The following QKI variants were observed in gnomAD, a reference collection of about 807,000 sequenced individuals.
The protein encoded by QKI is QKI, KH domain containing RNA binding.
In QKI, 10 loss-of-function variants were observed where a neutral mutation model predicts 39.0. The ratio of observed to expected loss-of-function variants is 0.26; its 90% CI spans 0.16 to 0.43. QKI has a LOEUF of 0.43. Among genes scored for constraint, QKI ranks in the 20% least tolerant of loss-of-function variants. The probability of loss-of-function intolerance (pLI) is 1.00; values close to 1 mark genes in which losing one functional copy is unlikely to be tolerated. For missense variants in QKI, 218 were observed against 428.0 expected, an observed-to-expected ratio of 0.51 and a Z score of 4.33; for synonymous variants, 204 against 155.4, an observed-to-expected ratio of 1.31 and a Z score of -2.33.
chr6:163,566,235 A>G (rs1783355598), intron 6 of QKI: 2 of 1,274,886 alleles, frequency 1.6e-6, no homozygotes, highest in Non-Finnish European at 2.0e-6. Context: ...CACCTAATTC[A>G]TTGCAGTTCA....
chr6:163,477,231 G>A (rs1015504457), intron 2 of QKI, among the ~76,000 whole-genome samples: 4 of 152,010 alleles, frequency 2.6e-5, no homozygotes, highest in South Asian at 2.1e-4. Context: ...GGCCAGGCTC[G>A]TCTTGAACGC....
rs114657014 is a variant in QKI at position 163,555,645 on chromosome 6, G to A, written c.547-6337G>A. On this transcript the variant is annotated intron_variant, in intron 4 of 7. Coordinates refer to ENST00000361752, the MANE Select transcript of QKI (RefSeq NM_006775.3). The stretch of plus-strand genomic sequence containing the variant: ...CAGGTCTACTCGGGGATTGTGGACA[G>A]ATGATTTTGACTAATGCAAAACATT... Among the ~76,000 whole-genome samples, 436 of 151,676 alleles carry A rather than the reference G, an allele frequency of 2.9e-3. 2 individuals carry two copies. Among genetic ancestry groups the A allele is most frequent in the African/African-American group, 9.8e-3 (404 of 41,374 alleles).
chr6:163,495,004 C>G (rs186361563), intron 3 of QKI, among the ~76,000 whole-genome samples: 17 of 152,120 alleles, frequency 1.1e-4, no homozygotes, highest in Middle Eastern at 3.4e-3. Context: ...TAACCTCTGC[C>G]TCCTGGGTTC....
At chr6:163,463,174 G>C (rs554387084) in intron 2 of QKI, among the ~76,000 whole-genome samples, 1 of 152,292 alleles carries the variant, frequency 6.6e-6, no homozygotes, top group South Asian at 2.1e-4. Context: ...TAACAATAAT[G>C]AGAAAACTAA....
At chr6:163,465,869 A>T (rs1356899105) in intron 2 of QKI, among the ~76,000 whole-genome samples, 1 of 151,614 alleles carries the variant, frequency 6.6e-6, no homozygotes, top group Non-Finnish European at 1.5e-5. Flanking sequence ...AACACCTGTA[A>T]TCCCAGAACT....
chr6:163,452,087 A>G (rs767482666), intron 1 of QKI, among the ~76,000 whole-genome samples: 31 of 152,348 alleles, frequency 2.0e-4, no homozygotes, highest in Middle Eastern at 3.4e-3. Context: ...GAATAAGTAT[A>G]TGAAGCACAG....
At chr6:163,565,730 A>T (rs1783324554) in intron 6 of QKI, 1 of 1,229,174 alleles carries the variant, frequency 8.1e-7, no homozygotes, top group Non-Finnish European at 1.0e-6. Context: ...CCACTTGGAG[A>T]ACTCAGAAAA....
chr6:163,531,764 C>A (rs929047728), intron 3 of QKI, among the ~76,000 whole-genome samples: 13 of 152,204 alleles, frequency 8.5e-5, no homozygotes, highest in South Asian at 8.3e-4. Context: ...CTCGGCCCCC[C>A]CAAAGTGCTG....
intron 4 of QKI, among the ~76,000 whole-genome samples, chr6:163,549,573 A>G (rs1422674567): frequency 1.3e-5 from 2 of 152,170 alleles, no homozygotes; most frequent in African/African-American, 2.4e-5. Context: ...TTAGTTGGGC[A>G]TGGTGACGCA....
At chr6:163,505,669 C>T (rs903897458) in intron 3 of QKI, among the ~76,000 whole-genome samples, 1 of 146,364 alleles carries the variant, frequency 6.8e-6, no homozygotes, top group African/African-American at 2.8e-5. Context: ...GCCTGTACAC[C>T]CATTCTATCT....
At chr6:163,443,566 T>TAACAACAAC in intron 1 of QKI, among the ~76,000 whole-genome samples, 1 of 152,096 alleles carries the variant, frequency 6.6e-6, no homozygotes, top group Non-Finnish European at 1.5e-5. Context: ...CTCAAAACAA[T>TAACAACAAC]AACAACAACA....
At chr6:163,479,120 T>G (rs1792861788) in intron 3 of QKI, among the ~76,000 whole-genome samples, 1 of 50,274 alleles carries the variant, frequency 2.0e-5, no homozygotes. Context: ...ACCCTGTCTT[T>G]ACTAAAAAAA....
chr6:163,563,535 C>G lies in QKI; in HGVS notation c.750C>G (p.Thr250=). Residue 250 remains threonine, a synonymous_variant, in exon 6 of 8, where the codon ACC becomes ACG. Coordinates refer to ENST00000361752, the MANE Select transcript of QKI (RefSeq NM_006775.3). ...ALRTPTPAGP[T]IMPLIRQIQT... ...GTACTCCTACGCCAGCTGGCCCTAC[C>G]ATAATGCCTTTGATCAGACAAATAC... 1.9e-6 allele frequency: 3 copies of G among 1,614,208 alleles called. No homozygotes were observed. Among genetic ancestry groups the G allele is most frequent in the Non-Finnish European group, 2.5e-6 (3 of 1,180,040 alleles).
chr6:163,455,201 C>G (rs1190068397), intron 1 of QKI, 78 bp from the exon 2 acceptor site: 10 of 1,202,574 alleles, frequency 8.3e-6, no homozygotes, highest in Non-Finnish European at 1.1e-5. Flanking sequence ...GAAACCCTCC[C>G]CTGCCCTCTC....
intron 1 of QKI, among the ~76,000 whole-genome samples, chr6:163,452,621 A>G (rs1227934620): frequency 2.0e-5 from 3 of 152,206 alleles, no homozygotes; most frequent in Non-Finnish European, 4.4e-5. Flanking sequence ...GTTATTAATC[A>G]AGGAATCACA....
intron 3 of QKI, among the ~76,000 whole-genome samples, chr6:163,500,490 A>G (rs1778693684): frequency 6.6e-6 from 1 of 152,176 alleles, no homozygotes; most frequent in Non-Finnish European, 1.5e-5. Context: ...TGTAATGTTT[A>G]TATTTATTGT....
intron 2 of QKI, among the ~76,000 whole-genome samples, chr6:163,456,958 T>C (rs1275163452): frequency 1.3e-5 from 2 of 152,066 alleles, no homozygotes; most frequent in African/African-American, 4.8e-5. Context: ...TTTTGGGCCT[T>C]TCTGACTGGG....
At chr6:163,489,809 G>C (rs1736640142) in intron 3 of QKI, among the ~76,000 whole-genome samples, 1 of 152,122 alleles carries the variant, frequency 6.6e-6, no homozygotes, top group South Asian at 2.1e-4. Context: ...ACACAGGAGA[G>C]AAGTTAACCA....
intron 3 of QKI, among the ~76,000 whole-genome samples, chr6:163,484,181 C>G (rs546608194): frequency 6.6e-6 from 1 of 151,200 alleles, no homozygotes; most frequent in African/African-American, 2.4e-5. Flanking sequence ...TTGTAGAGCA[C>G]AGGCAGGGTA....
Sources: gnomAD v4.1 joint callset for allele counts (sites outside exome capture counted in the v4.1 genomes callset) on GRCh38, gnomAD v4.1.1 for gene constraint, MANE v1.5 for transcripts, NCBI Gene and HGNC (gene_info 2026-07-23, HGNC 2026-07-21) for gene names.